The following ST7L variants were observed in gnomAD, a reference collection of about 807,000 sequenced individuals.
ST7L encodes suppression of tumorigenicity 7 like.
A neutral mutation model predicts 72.5 loss-of-function variants in ST7L; 57 were observed. That is an observed-to-expected ratio of 0.79 (90% CI 0.64 to 0.98). The LOEUF is 0.98. Among genes scored for constraint, ST7L ranks in the 50% least tolerant of loss-of-function variants. The pLI is 0.00. For synonymous variants in ST7L, 221 were observed against 240.9 expected (o/e 0.92, Z 0.77); for missense variants, 576 against 672.2 (o/e 0.86, Z 1.58).
chr1:112,557,618 C>T (rs1212105729), intron 11 of ST7L, among the ~76,000 whole-genome samples: 2 of 152,146 alleles, frequency 1.3e-5, no homozygotes, highest in Non-Finnish European at 2.9e-5. Context: ...TGGAGTAGAA[C>T]TGCTGAGTCA....
chr1:112,562,592 G>A (rs1444482561), intron 11 of ST7L, among the ~76,000 whole-genome samples: 1 of 152,194 alleles, frequency 6.6e-6, no homozygotes, highest in Non-Finnish European at 1.5e-5. Flanking sequence ...AAATTTGCCA[G>A]GTAGAGAAGA....
At chr1:112,552,752 A>G (rs1237099715) in intron 12 of ST7L, among the ~76,000 whole-genome samples, 2 of 152,136 alleles carry the variant, frequency 1.3e-5, no homozygotes, top group African/African-American at 2.4e-5. Flanking sequence ...CCAAAGTCAT[A>G]GAGTAAATTA....
chr1:112,569,911 T>C (rs1661767565), intron 11 of ST7L, among the ~76,000 whole-genome samples: 1 of 134,856 alleles, frequency 7.4e-6, no homozygotes, highest in Non-Finnish European at 1.5e-5. Context: ...TGAGCCGAGA[T>C]AGCACCACTG....
chr1:112,616,456 T>A (rs889447284), intron 2 of ST7L, among the ~76,000 whole-genome samples: 2 of 152,026 alleles, frequency 1.3e-5, no homozygotes, highest in Non-Finnish European at 2.9e-5. Context: ...ATATAAAGGA[T>A]CTTTAGGCCA....
chr1:112,610,462 TA>T (rs890075892), intron 3 of ST7L: 1 of 175,792 alleles, frequency 5.7e-6, no homozygotes, highest in African/African-American at 2.4e-5. Context: ...GCGTAGATTA[TA>T]AACAGTATAA....
rs1040459718 is a variant in ST7L, at chr1:112,582,923, A to C, written c.857-451T>G. 3.9e-5 allele frequency among the ~76,000 whole-genome samples: 6 copies of C among 152,324 alleles called. 1 individual carries two copies. The highest frequency in any genetic ancestry group is 2.6e-4 in the Admixed American group (4 of 15,306). On this transcript the variant is annotated intron_variant, in intron 7 of 14. Transcript: ENST00000358039. ...AAAAAATGTCCAAAACAAAATTTCC[A>C]TGGCTAATGTAAACTTTTCTTAACA...
At chr1:112,595,222 G>A (rs566601068) in intron 5 of ST7L, among the ~76,000 whole-genome samples, 3 of 151,614 alleles carry the variant, frequency 2.0e-5, no homozygotes, top group Non-Finnish European at 2.9e-5. Context: ...AAAATTAGCC[G>A]GGCATAGTGG....
intron 14 of ST7L, among the ~76,000 whole-genome samples, chr1:112,538,337 G>A (rs896072533): frequency 6.6e-6 from 1 of 152,118 alleles, no homozygotes; most frequent in African/African-American, 2.4e-5. Flanking sequence ...TGTGCCAGAA[G>A]CATAGTATTA....
chr1:112,595,472 G>T (rs1666347622), intron 5 of ST7L, among the ~76,000 whole-genome samples: 1 of 150,932 alleles, frequency 6.6e-6, no homozygotes, highest in South Asian at 2.1e-4. Flanking sequence ...TCAGGCTGCA[G>T]TGCAGCAGTG....
chr1:112,540,960 T>A, intron 14 of ST7L: 1 of 800,958 alleles, frequency 1.2e-6, no homozygotes, highest in Non-Finnish European at 1.8e-6. Flanking sequence ...AATTTTACTT[T>A]GAGCCAGTGA....
intron 11 of ST7L, among the ~76,000 whole-genome samples, chr1:112,558,988 T>G (rs1276706708): frequency 6.6e-6 from 1 of 152,216 alleles, no homozygotes; most frequent in Non-Finnish European, 1.5e-5. Context: ...AAAAGAATAC[T>G]GAGTTTTCAG....
chr1:112,556,966 C>CAAAAAAAAAAACA (rs1659236555), intron 11 of ST7L, among the ~76,000 whole-genome samples: 1 of 49,524 alleles, frequency 2.0e-5, no homozygotes, highest in Admixed American at 2.5e-4. Context: ...GACTCTGTCT[C>CAAAAAAAAAAACA]AAAAAAAAAA....
chr1:112,583,487 T>C (rs1664428762), intron 7 of ST7L, among the ~76,000 whole-genome samples: 1 of 152,140 alleles, frequency 6.6e-6, no homozygotes, highest in Admixed American at 6.6e-5. Flanking sequence ...CAATGCCAAG[T>C]ATGAGGTTGG....
At chr1:112,615,874 G>A (rs1669789362) in intron 2 of ST7L, among the ~76,000 whole-genome samples, 1 of 152,024 alleles carries the variant, frequency 6.6e-6, no homozygotes, top group Admixed American at 6.6e-5. Context: ...CGAGTAGCTG[G>A]GACTACAGGC....
chr1:112,568,889 A>ATATATATATATAT lies in ST7L; in HGVS notation c.1245+8096_1245+8097insATATATATATATA, dbSNP rs1553247624. ...ATATATATATATATATATATATATA[A>ATATATATATATAT]AACAAAAATTTAAAAATATGCAACT... is the stretch of plus-strand genomic sequence containing the variant. On this transcript the variant is annotated intron_variant, in intron 11 of 14. Coordinates refer to ENST00000358039, the MANE Select transcript of ST7L (RefSeq NM_017744.5). Among the ~76,000 whole-genome samples the ATATATATATATAT allele has an allele frequency of 4.2e-3, 480 of 115,402 alleles. 2 individuals are homozygous for ATATATATATATAT. The highest frequency in any genetic ancestry group is 5.5e-3 in the Admixed American group (55 of 10,054). The allele number at this position is 115,402 out of a possible 152,430, so 75.7% of individuals were successfully genotyped here.
At chr1:112,557,139 C>T (rs1364942284) in intron 11 of ST7L, among the ~76,000 whole-genome samples, 2 of 151,786 alleles carry the variant, frequency 1.3e-5, no homozygotes, top group East Asian at 1.9e-4. Flanking sequence ...GTATACAATT[C>T]GAGGATTTTT....
At chr1:112,585,423 A>G (rs1401315688) in intron 6 of ST7L, among the ~76,000 whole-genome samples, 1 of 152,252 alleles carries the variant, frequency 6.6e-6, no homozygotes, top group Non-Finnish European at 1.5e-5. Flanking sequence ...AGATTTTAGA[A>G]AAGTACTGAC....
rs753409857 is a variant in ST7L at position 112,524,306 on chromosome 1, T to C, written c.*1707A>G. The C allele has an allele frequency of 2.6e-5, 4 of 152,706 alleles. No individual in the cohort carries two copies. The highest frequency in any genetic ancestry group is 6.5e-5 in the Admixed American group (1 of 15,294). 9.5% of individuals were successfully genotyped at this position (152,706 alleles called of 1,614,324 possible). A position where few individuals can be genotyped will look rare whatever the true frequency, so the allele number is the denominator to read the frequency against. ...TTTATTTAAATGCACTCAGTGGTCA[T>C]AGGGCAGAAGCTCAAGCTAGCTGGG... On this transcript the variant is annotated 3_prime_UTR_variant, in exon 15 of 15. Coordinates refer to ENST00000358039, the MANE Select transcript of ST7L (RefSeq NM_017744.5).
chr1:112,548,999 TTG>T (rs71081247), intron 13 of ST7L, among the ~76,000 whole-genome samples: 7,219 of 148,734 alleles, frequency 0.049, 566 homozygotes, highest in African/African-American at 0.17. Flanking sequence ...GCTTGTTACT[TTG>T]TGTGTGTGTG....
Sources: allele counts gnomAD v4.1 joint callset (sites outside exome capture counted in the v4.1 genomes callset), GRCh38; gene constraint gnomAD v4.1.1; transcripts MANE v1.5; gene names NCBI Gene and HGNC (gene_info 2026-07-23, HGNC 2026-07-21).